DIP2B: variants seen among roughly 807,000 people sequenced by gnomAD.
DIP2B encodes the protein DIP2 acetate--CoA ligase B (putative), also known as disco-interacting protein 2 homolog B.
Under a neutral mutation model 198.0 loss-of-function variants are expected in DIP2B, and 76 were observed. The observed-to-expected ratio is 0.38, with a 90% CI of 0.32 to 0.46. The LOEUF is 0.46. Among genes scored for constraint, DIP2B ranks in the 20% least tolerant of loss-of-function variants. DIP2B has a pLI of 0.99. For missense variants in DIP2B, 1,559 were observed against 1,978.4 expected (o/e 0.79, Z 4.02); for synonymous variants, 701 against 739.1 (o/e 0.95, Z 0.84).
chr12:50,640,075 G>T (rs1475967260), intron 2 of DIP2B, among the ~76,000 whole-genome samples: 2 of 151,962 alleles, frequency 1.3e-5, no homozygotes, highest in Non-Finnish European at 2.9e-5. Flanking sequence ...TTTTGTTAAC[G>T]TACATCTCGT....
At chr12:50,706,076 G>A (rs1009485254) in intron 20 of DIP2B, among the ~76,000 whole-genome samples, 3 of 152,056 alleles carry the variant, frequency 2.0e-5, no homozygotes, top group African/African-American at 4.8e-5. Flanking sequence ...TAATACTGCC[G>A]GATGGAAACA....
At chr12:50,697,209 T>G (rs1236538947) in intron 17 of DIP2B, 34 bp downstream of exon 17, 1 of 1,580,698 alleles carries the variant, frequency 6.3e-7, no homozygotes, top group South Asian at 1.1e-5. Flanking sequence ...TCTTGATGTA[T>G]GTTACAACTT....
intron 37 of DIP2B, among the ~76,000 whole-genome samples, chr12:50,744,023 A>T (rs1438052697): frequency 6.6e-6 from 1 of 151,982 alleles, no homozygotes; most frequent in East Asian, 1.9e-4. Context: ...TTTTTTTGAG[A>T]CAGAGTCTCA....
intron 1 of DIP2B, among the ~76,000 whole-genome samples, chr12:50,549,037 T>C (rs1203293881): frequency 1.3e-5 from 2 of 152,194 alleles, no homozygotes; most frequent in South Asian, 2.1e-4. Flanking sequence ...ATTAGCCACC[T>C]ATGTGACCTT....
At chr12:50,671,592 C>T (rs1187618711) in intron 5 of DIP2B, among the ~76,000 whole-genome samples, 194 bp downstream of exon 5, 1 of 152,190 alleles carries the variant, frequency 6.6e-6, no homozygotes, top group African/African-American at 2.4e-5. Flanking sequence ...ATAACACCTG[C>T]ATTATTGGTG....
At chr12:50,674,016 C>T (rs182106056) in intron 5 of DIP2B, among the ~76,000 whole-genome samples, 15 of 151,952 alleles carry the variant, frequency 9.9e-5, no homozygotes, top group Admixed American at 5.2e-4. Flanking sequence ...TTTCAAGATA[C>T]GAGTTTGGTC....
At chr12:50,708,587 C>G in intron 22 of DIP2B, 25 bp downstream of exon 22, 1 of 1,557,530 alleles carries the variant, frequency 6.4e-7, no homozygotes, top group Non-Finnish European at 8.7e-7. Flanking sequence ...GGGTCTGTGT[C>G]AGGTCAGCGG....
intron 19 of DIP2B, among the ~76,000 whole-genome samples, chr12:50,699,854 C>A (rs557841856): frequency 9.3e-6 from 1 of 107,276 alleles, no homozygotes; most frequent in East Asian, 2.4e-4. Flanking sequence ...CAGAGCAAGA[C>A]CCTGTCTCAA....
intron 34 of DIP2B, among the ~76,000 whole-genome samples, chr12:50,735,713 C>T (rs1214175971): frequency 6.6e-6 from 1 of 152,154 alleles, no homozygotes; most frequent in Non-Finnish European, 1.5e-5. Context: ...GATCACCTGC[C>T]TCGGCCTCCC....
At chr12:50,672,624 C>G (rs912279448) in intron 5 of DIP2B, among the ~76,000 whole-genome samples, 2 of 152,158 alleles carry the variant, frequency 1.3e-5, no homozygotes, top group African/African-American at 4.8e-5. Context: ...TCACAGAAAC[C>G]ATTTTATCCA....
chr12:50,579,466 G>A (rs1291327875), intron 1 of DIP2B, among the ~76,000 whole-genome samples: 2 of 150,524 alleles, frequency 1.3e-5, no homozygotes, highest in South Asian at 2.1e-4. Context: ...TACAAAATTA[G>A]CCAGGTGTGG....
chr12:50,742,809 T>C (rs1940276266), intron 37 of DIP2B, among the ~76,000 whole-genome samples: 6 of 151,892 alleles, frequency 4.0e-5, no homozygotes, highest in South Asian at 2.1e-4. Flanking sequence ...GGCAGGAAAA[T>C]TGCTTGAACC....
chr12:50,617,449 C>A (rs780081922), intron 1 of DIP2B, among the ~76,000 whole-genome samples: 1 of 151,840 alleles, frequency 6.6e-6, no homozygotes, highest in Non-Finnish European at 1.5e-5. Context: ...GCCACCGCAC[C>A]CGGCCTTTTT....
At chr12:50,617,889 C>G (rs2731438) in intron 1 of DIP2B, among the ~76,000 whole-genome samples, 145,771 of 152,316 alleles carry the variant, frequency 0.96, 70,094 homozygotes, top group East Asian at 1. Flanking sequence ...AATACATTTT[C>G]GAAAGTCATC....
intron 1 of DIP2B, among the ~76,000 whole-genome samples, chr12:50,576,141 C>T (rs1958658445): frequency 6.6e-6 from 1 of 151,156 alleles, no homozygotes; most frequent in African/African-American, 2.4e-5. Context: ...GTGATCTCGG[C>T]TTACTACAAC....
chr12:50,680,632 T>A, intron 8 of DIP2B, 40 bp from the exon 9 acceptor site: 4 of 1,584,868 alleles, frequency 2.5e-6, no homozygotes, highest in Non-Finnish European at 2.6e-6. Flanking sequence ...ACCTGTTTTT[T>A]TTTCTATATG....
chr12:50,693,285 A>G (rs1329081411), intron 14 of DIP2B, among the ~76,000 whole-genome samples: 1 of 152,238 alleles, frequency 6.6e-6, no homozygotes, highest in Non-Finnish European at 1.5e-5. Flanking sequence ...TGGGTGTTAG[A>G]AAAAGGTGAC....
At position 50,552,395 on chromosome 12, in the gene DIP2B, T is replaced by G. The variant is rs1338228596; in HGVS notation, c.100+47155T>G. Among the ~76,000 whole-genome samples the G allele has an allele frequency of 2.0e-5, 3 of 151,730 alleles. No individual in the cohort carries two copies. The East Asian group carries it at 5.8e-4, about 29-fold the overall frequency. On this transcript the variant is annotated intron_variant, in intron 1 of 37. Coordinates refer to ENST00000301180, the MANE Select transcript of DIP2B (RefSeq NM_173602.3). ...CATTCTCCTGCCTCAGCCTCCCGAG[T>G]AGCTGGGACTATAGGCGCCCGCCAC...
intron 1 of DIP2B, among the ~76,000 whole-genome samples, chr12:50,586,935 C>T (rs1458053873): frequency 6.6e-6 from 1 of 152,144 alleles, no homozygotes; most frequent in African/African-American, 2.4e-5. Flanking sequence ...CATATGAAAA[C>T]ATGTTTTTGC....
Sources: gnomAD v4.1 joint callset for allele counts (sites outside exome capture counted in the v4.1 genomes callset) on GRCh38, gnomAD v4.1.1 for gene constraint, MANE v1.5 for transcripts, NCBI Gene and HGNC (gene_info 2026-07-23, HGNC 2026-07-21) for gene names.